The following CDH4 variants were observed in gnomAD, a reference collection of about 807,000 sequenced individuals.
The protein encoded by CDH4 is cadherin-4.
A neutral mutation model predicts 86.0 loss-of-function variants in CDH4; 33 were observed. The observed-to-expected ratio is 0.38, with a 90% confidence interval of 0.29 to 0.51. The LOEUF is 0.51. Ranked by LOEUF, CDH4 falls within the 20% of genes least tolerant of loss-of-function variation. The probability of loss-of-function intolerance (pLI) is 0.86; values close to 1 mark genes in which losing one functional copy is unlikely to be tolerated. For synonymous variants in CDH4, 555 were observed against 549.4 expected, an observed-to-expected ratio of 1.01 and a Z score of -0.14; for missense variants, 1,114 against 1,307.4, an observed-to-expected ratio of 0.85 and a Z score of 2.28.
At chr20:61,866,897 G>A (rs947165549) in intron 6 of CDH4, among the ~76,000 whole-genome samples, 2 of 152,254 alleles carry the variant, frequency 1.3e-5, no homozygotes, top group African/African-American at 2.4e-5. Context: ...AGCAGGGAGC[G>A]GTCCTTGTTG....
At chr20:61,593,791 C>G (rs913512752) in intron 2 of CDH4, among the ~76,000 whole-genome samples, 1 of 151,642 alleles carries the variant, frequency 6.6e-6, no homozygotes, top group Non-Finnish European at 1.5e-5. Flanking sequence ...GTAGAACCCC[C>G]TGGGGATGCC....
intron 2 of CDH4, among the ~76,000 whole-genome samples, chr20:61,698,575 A>C (rs968773477): frequency 1.3e-5 from 2 of 152,228 alleles, no homozygotes; most frequent in Non-Finnish European, 2.9e-5. Flanking sequence ...AAGGCACCTG[A>C]GCTGGGACTG....
intron 4 of CDH4, among the ~76,000 whole-genome samples, chr20:61,828,563 C>T (rs1397900487): frequency 3.9e-5 from 6 of 152,204 alleles, no homozygotes; most frequent in East Asian, 1.9e-4. Flanking sequence ...GCCCCACCTT[C>T]GGAATCGACT....
rs150220614 is a variant in CDH4 at position 61,787,565 on chromosome 20, C to T, written c.576+14383C>T. 2.9e-3 allele frequency among the ~76,000 whole-genome samples: 442 copies of T among 152,252 alleles called. 2 individuals are homozygous for T. Among genetic ancestry groups the T allele is most frequent in the African/African-American group, 9.5e-3 (394 of 41,542 alleles). On this transcript the variant is annotated intron_variant, in intron 4 of 15. Transcript: ENST00000614565. ...AGATGATATTTGGGTGGGGCCACAGCGAAACCATATCAACCCCCAGGTGTG... is the reference window on the plus strand; with the variant it reads ...AGATGATATTTGGGTGGGGCCACAGTGAAACCATATCAACCCCCAGGTGTG...
At chr20:61,369,304 A>G (rs1432392443) in intron 2 of CDH4, among the ~76,000 whole-genome samples, 1 of 151,868 alleles carries the variant, frequency 6.6e-6, no homozygotes, top group East Asian at 1.9e-4. Context: ...TACAAAAATT[A>G]GCCAGGTGTG....
intron 4 of CDH4, among the ~76,000 whole-genome samples, chr20:61,773,480 T>C (rs1418820371): frequency 6.6e-6 from 1 of 152,140 alleles, no homozygotes; most frequent in Non-Finnish European, 1.5e-5. Context: ...GCCTTTGACC[T>C]CTGACCCCTT....
intron 6 of CDH4, among the ~76,000 whole-genome samples, chr20:61,857,011 C>A (rs983176580): frequency 6.6e-6 from 1 of 152,222 alleles, no homozygotes; most frequent in Non-Finnish European, 1.5e-5. Context: ...CCTTGGAGGC[C>A]AAAAGCTTGT....
At chr20:61,488,720 T>C (rs2085609786) in intron 2 of CDH4, among the ~76,000 whole-genome samples, 1 of 152,140 alleles carries the variant, frequency 6.6e-6, no homozygotes, top group African/African-American at 2.4e-5. Context: ...TGAAAATGCT[T>C]TTGATAATGT....
intron 2 of CDH4, among the ~76,000 whole-genome samples, chr20:61,481,469 T>C (rs991217069): frequency 2.6e-5 from 4 of 152,246 alleles, no homozygotes; most frequent in Non-Finnish European, 4.4e-5. Flanking sequence ...CCAGGCTTTA[T>C]TTCTGTTGTC....
chr20:61,297,545 T>G (rs1459461655), intron 2 of CDH4, among the ~76,000 whole-genome samples: 1 of 152,226 alleles, frequency 6.6e-6, no homozygotes. Flanking sequence ...TTGGGGCCCC[T>G]GGGCGTGGCC....
At chr20:61,604,828 G>A (rs1034980127) in intron 2 of CDH4, among the ~76,000 whole-genome samples, 4 of 152,138 alleles carry the variant, frequency 2.6e-5, no homozygotes, top group African/African-American at 9.7e-5. Flanking sequence ...TGTTGCTATG[G>A]GCGTCACTTC....
At chr20:61,899,575 C>A (rs1985289855) in intron 8 of CDH4, among the ~76,000 whole-genome samples, 1 of 152,060 alleles carries the variant, frequency 6.6e-6, no homozygotes, top group Non-Finnish European at 1.5e-5. Flanking sequence ...CTACAGGCGC[C>A]TGCCACCACG....
intron 2 of CDH4, among the ~76,000 whole-genome samples, chr20:61,579,278 G>C (rs903318449): frequency 2.8e-5 from 4 of 141,362 alleles, no homozygotes; most frequent in Non-Finnish European, 4.5e-5. Context: ...AATCTCCCTC[G>C]ATGGAGATTT....
intron 12 of CDH4, among the ~76,000 whole-genome samples, chr20:61,928,776 G>A (rs2055073904): frequency 6.6e-6 from 1 of 152,210 alleles, no homozygotes; most frequent in South Asian, 2.1e-4. Flanking sequence ...CAGATCTGTG[G>A]TATAAAAGGA....
In CDH4 at chr20:61,852,737, C is replaced by G. The variant is rs1568849873; in HGVS notation, c.733-17C>G. 6.2e-7 allele frequency: 1 copy of G among 1,606,686 alleles called. No individual in the cohort carries two copies. The highest frequency in any genetic ancestry group is 8.5e-7 in the Non-Finnish European group (1 of 1,175,720). On this transcript the variant is annotated splice_polypyrimidine_tract_variant and intron_variant, in intron 5 of 15. Coordinates refer to ENST00000614565, the MANE Select transcript of CDH4 (RefSeq NM_001794.5). Reference sequence around the variant, plus strand: ...GTGCCCACCCGCCACTGGGCCCTGTCTCTGCTGCTTTTCCAGCTCCGAGCC... The same window carrying G: ...GTGCCCACCCGCCACTGGGCCCTGTGTCTGCTGCTTTTCCAGCTCCGAGCC...
At chr20:61,416,884 G>A (rs78221296) in intron 2 of CDH4, among the ~76,000 whole-genome samples, 2,030 of 152,092 alleles carry the variant, frequency 0.013, 38 homozygotes, top group African/African-American at 0.045. Flanking sequence ...TGAAATCTTC[G>A]GACAGTTTTG....
intron 2 of CDH4, chr20:61,570,548 C>T: frequency 1.6e-6 from 1 of 644,580 alleles, no homozygotes; most frequent in South Asian, 1.7e-5. Flanking sequence ...CTCTGCTTTA[C>T]ATCCAAGCGT....
intron 2 of CDH4, among the ~76,000 whole-genome samples, chr20:61,649,898 G>T (rs1035053525): frequency 6.6e-6 from 1 of 152,192 alleles, no homozygotes; most frequent in Admixed American, 6.5e-5. Flanking sequence ...CCTCCAGGAC[G>T]CTGAGCTATG....
intron 4 of CDH4, among the ~76,000 whole-genome samples, chr20:61,785,297 A>G (rs66521117): frequency 0.091 from 13,788 of 152,126 alleles, 1,233 homozygotes; most frequent in African/African-American, 0.23. Context: ...TTTGCCTACC[A>G]TCCGCTTCCT....
Sources: gnomAD v4.1 joint callset for allele counts (sites outside exome capture counted in the v4.1 genomes callset) on GRCh38, gnomAD v4.1.1 for gene constraint, MANE v1.5 for transcripts, NCBI Gene and HGNC (gene_info 2026-07-23, HGNC 2026-07-21) for gene names.